MSRB3: variants seen among roughly 807,000 people sequenced by gnomAD.
MSRB3 encodes the protein methionine-R-sulfoxide reductase B3.
In MSRB3, 13 loss-of-function variants were observed where a neutral mutation model predicts 21.0. The observed-to-expected ratio is 0.62, with a 90% CI of 0.40 to 0.98. MSRB3 has a LOEUF of 0.98. Ranked by LOEUF, MSRB3 falls within the 50% of genes least tolerant of loss-of-function variation. The pLI, the probability that MSRB3 is intolerant of heterozygous loss-of-function variation, is 0.00. For missense variants in MSRB3, 199 were observed against 230.3 expected (o/e 0.86, Z 0.88); for synonymous variants, 87 against 88.6 (o/e 0.98, Z 0.10).
At chr12:65,458,449 A>G (rs1883186243) in intron 6 of MSRB3, among the ~76,000 whole-genome samples, 1 of 152,206 alleles carries the variant, frequency 6.6e-6, no homozygotes, top group South Asian at 2.1e-4. Context: ...GAGAGAGTTC[A>G]GATTGGTTCA....
At chr12:65,302,604 G>A (rs1260647218) in intron 1 of MSRB3, among the ~76,000 whole-genome samples, 1 of 152,290 alleles carries the variant, frequency 6.6e-6, no homozygotes, top group South Asian at 2.1e-4. Flanking sequence ...GATCGAGTAA[G>A]CATTCTGAAT....
At chr12:65,400,029 TTGA>T (rs1880032625) in intron 5 of MSRB3, among the ~76,000 whole-genome samples, 1 of 152,214 alleles carries the variant, frequency 6.6e-6, no homozygotes, top group Non-Finnish European at 1.5e-5. Context: ...GATTTTCACA[TTGA>T]TGTTCATCAG....
chr12:65,372,368 T>C (rs1452169661), intron 5 of MSRB3, among the ~76,000 whole-genome samples: 2 of 152,258 alleles, frequency 1.3e-5, no homozygotes, highest in South Asian at 4.1e-4. Flanking sequence ...GTGGTCTCTG[T>C]GTACTGAGTA....
intron 1 of MSRB3, among the ~76,000 whole-genome samples, chr12:65,301,883 T>A (rs1406784492): frequency 6.6e-6 from 1 of 152,168 alleles, no homozygotes; most frequent in Non-Finnish European, 1.5e-5. Flanking sequence ...GGAGCAGAGA[T>A]GAGGATTCAG....
At chr12:65,444,700 T>C (rs1341606350) in intron 5 of MSRB3, among the ~76,000 whole-genome samples, 1 of 152,202 alleles carries the variant, frequency 6.6e-6, no homozygotes, top group Non-Finnish European at 1.5e-5. Flanking sequence ...CTAATACTCA[T>C]TGTTGAAATC....
chr12:65,455,244 TA>T (rs67490305), intron 6 of MSRB3, among the ~76,000 whole-genome samples: 57,846 of 140,444 alleles, frequency 0.41, 11,334 homozygotes, highest in Middle Eastern at 0.55. Context: ...TTGTTTTTAT[TA>T]AAAAAAAAAA....
At chr12:65,309,890 G>C (rs1332829807) in intron 2 of MSRB3, among the ~76,000 whole-genome samples, 1 of 152,110 alleles carries the variant, frequency 6.6e-6, no homozygotes, top group Non-Finnish European at 1.5e-5. Context: ...GAAGAGGTAA[G>C]GAAGGAAAGG....
chr12:65,279,239 A>C, intron 1 of MSRB3: 1 of 299,314 alleles, frequency 3.3e-6, no homozygotes, highest in Non-Finnish European at 5.9e-6. Flanking sequence ...GGAGGGGTCC[A>C]TCCCGGAGCC....
intron 4 of MSRB3, among the ~76,000 whole-genome samples, chr12:65,350,452 C>A (rs551854810): frequency 5.3e-5 from 8 of 151,110 alleles, no homozygotes; most frequent in Admixed American, 2.0e-4. Flanking sequence ...ATCAAATTCA[C>A]ACGTAACAAT....
chr12:65,418,319 G>A (rs1352312696), intron 5 of MSRB3, among the ~76,000 whole-genome samples: 4 of 152,130 alleles, frequency 2.6e-5, no homozygotes, highest in Non-Finnish European at 4.4e-5. Flanking sequence ...TATCTATCAA[G>A]TCCTTTGCCC....
intron 4 of MSRB3, among the ~76,000 whole-genome samples, chr12:65,336,979 C>G (rs1555203510): frequency 6.6e-6 from 1 of 152,212 alleles, no homozygotes; most frequent in Non-Finnish European, 1.5e-5. Context: ...CGCGGTGGCT[C>G]ACGCCTGTAA....
chr12:65,314,044 C>T (rs1874147261), intron 2 of MSRB3, among the ~76,000 whole-genome samples: 1 of 152,104 alleles, frequency 6.6e-6, no homozygotes, highest in Non-Finnish European at 1.5e-5. Context: ...AATTTTTCTG[C>T]TTATATTATG....
rs147302736 is a variant in MSRB3, at chr12:65,322,962, A to G, written c.77-3864A>G. ...ATTTCCCACTTTAATCATAAAAACA[A>G]GATAAGGTGTGAGGAAAATACTGTT... On this transcript the variant is annotated intron_variant, in intron 2 of 6. Transcript: ENST00000308259. Among the ~76,000 whole-genome samples, 38 of 152,310 alleles carry G rather than the reference A, an allele frequency of 2.5e-4. 1 individual carries two copies. The highest frequency in any genetic ancestry group is 9.1e-4 in the African/African-American group (38 of 41,578).
chr12:65,317,380 G>A (rs534813759), intron 2 of MSRB3, among the ~76,000 whole-genome samples: 144 of 152,102 alleles, frequency 9.5e-4, no homozygotes, highest in African/African-American at 3.3e-3. Context: ...CTTTCTCCCC[G>A]CCTTTTTAGT....
At chr12:65,302,279 A>C (rs559182061) in intron 1 of MSRB3, among the ~76,000 whole-genome samples, 1 of 152,252 alleles carries the variant, frequency 6.6e-6, no homozygotes, top group South Asian at 2.1e-4. Context: ...GAAAGAATAC[A>C]AATAAAAAGT....
chr12:65,422,413 TA>T (rs1393533161), intron 5 of MSRB3, among the ~76,000 whole-genome samples: 5 of 41,102 alleles, frequency 1.2e-4, no homozygotes, highest in African/African-American at 2.1e-4. Context: ...TATATATATA[TA>T]TATATATATA....
intron 5 of MSRB3, chr12:65,418,631 A>C: frequency 1.7e-6 from 1 of 588,458 alleles, no homozygotes; most frequent in Non-Finnish European, 3.0e-6. Context: ...TCTTATTTTT[A>C]CATCTCTAAT....
At chr12:65,392,713 G>A (rs1274234184) in intron 5 of MSRB3, among the ~76,000 whole-genome samples, 4 of 152,242 alleles carry the variant, frequency 2.6e-5, no homozygotes, top group Non-Finnish European at 5.9e-5. Flanking sequence ...AGTTGCGAGC[G>A]TGTAAATTTG....
chr12:65,349,816 G>T (rs560766283), intron 4 of MSRB3, among the ~76,000 whole-genome samples: 231 of 151,808 alleles, frequency 1.5e-3, no homozygotes, highest in Non-Finnish European at 2.0e-3. Context: ...TTAGCCCTTT[G>T]TCAGATAAGT....
Sources: allele counts gnomAD v4.1 joint callset (sites outside exome capture counted in the v4.1 genomes callset), GRCh38; gene constraint gnomAD v4.1.1; transcripts MANE v1.5; gene names NCBI Gene and HGNC (gene_info 2026-07-23, HGNC 2026-07-21).